The following SH3BP4 variants were observed in gnomAD, a reference collection of about 807,000 sequenced individuals.
SH3BP4 encodes the protein SH3 domain-binding protein 4.
A neutral mutation model predicts 65.5 loss-of-function variants in SH3BP4; 33 were observed. That is an observed-to-expected ratio of 0.50 (90% CI 0.38 to 0.67). The LOEUF is 0.67. Ranked by LOEUF, SH3BP4 falls within the 30% of genes least tolerant of loss-of-function variation. The probability of loss-of-function intolerance (pLI) is 0.00; values close to 1 mark genes in which losing one functional copy is unlikely to be tolerated. For missense variants in SH3BP4, 1,134 were observed against 1,261.4 expected, an observed-to-expected ratio of 0.90 and a Z score of 1.53; for synonymous variants, 552 against 545.5, an observed-to-expected ratio of 1.01 and a Z score of -0.17.
intron 1 of SH3BP4, among the ~76,000 whole-genome samples, chr2:234,955,569 T>C (rs1181969349): frequency 6.6e-6 from 1 of 151,542 alleles, no homozygotes; most frequent in East Asian, 1.9e-4. Context: ...GGCGAGGGAG[T>C]GCAGAATATG....
chr2:234,953,238 A>G (rs1692516818), intron 1 of SH3BP4: 1 of 152,266 alleles, frequency 6.6e-6, no homozygotes, highest in South Asian at 2.1e-4. Context: ...AGCTAGAGAT[A>G]AAGAGAAATA....
In SH3BP4 at chr2:235,042,102, C is replaced by T. The variant is rs1242077990; in HGVS notation, c.1333C>T (p.Leu445=). 1.2e-5 allele frequency: 19 copies of T among 1,614,070 alleles called. No individual in the cohort carries two copies. Among genetic ancestry groups the T allele is most frequent in the Non-Finnish European group, 1.6e-5 (19 of 1,180,038 alleles). Residue 445 remains leucine, a synonymous_variant, in exon 4 of 6, where the codon CTG becomes TTG. Coordinates refer to ENST00000392011, the MANE Select transcript of SH3BP4 (RefSeq NM_014521.3). The surrounding 1 kb of genome is among the most constrained non-coding windows in gnomAD (Gnocchi z 7.3). ...GDTVQAQLHN[L]EPCMYVAVVA... ...CACGGTCCAGGCACAGCTGCACAAC[C>T]TGGAGCCCTGTATGTACGTGGCTGT...
Position 235,033,111 on chromosome 2 carries a change from G to A in SH3BP4, c.-132-1760G>A, listed in dbSNP as rs140056375. ...GGGCCCCCAGCAGGGCAGCTCTGCC[G>A]CTCCCCAGAGAGGTGGCCACCATGC... On this transcript the variant is annotated intron_variant, in intron 2 of 5. Coordinates refer to ENST00000392011, the MANE Select transcript of SH3BP4 (RefSeq NM_014521.3). This position sits in a 1 kb window ranked among gnomAD's most constrained non-coding sequence, Gnocchi z 5.7. Among the ~76,000 whole-genome samples, 686 of 152,228 alleles carry A rather than the reference G, an allele frequency of 4.5e-3. 1 individual carries two copies. Among genetic ancestry groups the A allele is most frequent in the African/African-American group, 0.015 (632 of 41,554 alleles).
At position 234,978,063 on chromosome 2, in the gene SH3BP4, C is replaced by A. The variant is rs543555724; in HGVS notation, c.-206-17240C>A. Among the ~76,000 whole-genome samples the A allele has an allele frequency of 6.6e-6, 1 of 152,154 alleles. No individual in the cohort carries two copies. Among genetic ancestry groups the A allele is most frequent in the African/African-American group, 2.4e-5 (1 of 41,438 alleles). ...CTCTGCCTCCTGGGTTTAAGCAATT[C>A]TCCTGCCTCAGCCTCCCGAGTAGCT... On this transcript the variant is annotated intron_variant, in intron 1 of 5. Coordinates refer to ENST00000392011, the MANE Select transcript of SH3BP4 (RefSeq NM_014521.3). The surrounding 1 kb of genome is among the most constrained non-coding windows in gnomAD (Gnocchi z 4.1).
rs775285071 is a variant in SH3BP4, at chr2:235,033,480, G to A, written c.-132-1391G>A. Among the ~76,000 whole-genome samples, 4 of 152,218 alleles carry A rather than the reference G, an allele frequency of 2.6e-5. No individual in the cohort carries two copies. Among genetic ancestry groups the A allele is most frequent in the Admixed American group, 6.5e-5 (1 of 15,288 alleles). The stretch of plus-strand genomic sequence containing the variant: ...AGTTTCGGGAAACACAGTTCAGTCC[G>A]TAACACATGCCTTCTCTCCAGACAG... On this transcript the variant is annotated intron_variant, in intron 2 of 5. Coordinates refer to ENST00000392011, the MANE Select transcript of SH3BP4 (RefSeq NM_014521.3). This position sits in a 1 kb window ranked among gnomAD's most constrained non-coding sequence, Gnocchi z 5.7.
At chr2:235,029,771 C>T (rs538659577) in intron 2 of SH3BP4, among the ~76,000 whole-genome samples, 6 of 152,166 alleles carry the variant, frequency 3.9e-5, no homozygotes, top group Non-Finnish European at 7.3e-5. Context: ...TTCACGGGTG[C>T]GGCACTCGGG....
rs367675036 is a variant in SH3BP4 at position 235,040,860 on chromosome 2, C to T, written c.119-28C>T. The T allele has an allele frequency of 1.9e-4, 310 of 1,594,496 alleles. No individual in the cohort carries two copies. The African/African-American group carries it at 3.0e-3, about 15-fold the overall frequency. ...GGACACCCCGCCGGCCTTGCCCTCACCATCTGTTTTCTTTGTGTTTTGCAC... is the reference window on the plus strand; with the variant it reads ...GGACACCCCGCCGGCCTTGCCCTCATCATCTGTTTTCTTTGTGTTTTGCAC... On this transcript the variant is annotated intron_variant, in intron 3 of 5. Coordinates refer to ENST00000392011, the MANE Select transcript of SH3BP4 (RefSeq NM_014521.3).
At chr2:234,984,653 C>T (rs1161423099) in intron 1 of SH3BP4, among the ~76,000 whole-genome samples, 1 of 152,156 alleles carries the variant, frequency 6.6e-6, no homozygotes, top group African/African-American at 2.4e-5. Context: ...TTGACCAGAA[C>T]CGACTGAGTG....
Position 235,033,739 on chromosome 2 carries a change from A to T in SH3BP4, c.-132-1132A>T, listed in dbSNP as rs1008763165. The stretch of plus-strand genomic sequence containing the variant: ...GCTCTCCAAGCCATGCTCACTGCAC[A>T]TGGAGCCTGGGGGAAGAGTGGGGAT... On this transcript the variant is annotated intron_variant, in intron 2 of 5. Transcript: ENST00000392011. This position sits in a 1 kb window ranked among gnomAD's most constrained non-coding sequence, Gnocchi z 5.7. Among the ~76,000 whole-genome samples, 18 of 151,738 alleles carry T rather than the reference A, an allele frequency of 1.2e-4. No homozygotes were observed. Among genetic ancestry groups the T allele is most frequent in the South Asian group, 6.2e-4 (3 of 4,804 alleles).
intron 2 of SH3BP4, among the ~76,000 whole-genome samples, chr2:235,031,849 C>G (rs1695212243): frequency 6.6e-6 from 1 of 152,266 alleles, no homozygotes; most frequent in Non-Finnish European, 1.5e-5. Flanking sequence ...CCCTGAGCAG[C>G]CTGCGTGGAG....
intron 2 of SH3BP4, among the ~76,000 whole-genome samples, chr2:235,004,873 T>C (rs975731784): frequency 3.3e-5 from 5 of 152,252 alleles, no homozygotes; most frequent in African/African-American, 1.2e-4. Flanking sequence ...CTAAGAGCTG[T>C]CTTCTCTCAT....
intron 2 of SH3BP4, among the ~76,000 whole-genome samples, chr2:235,032,580 A>G (rs1337414903): frequency 1.3e-5 from 2 of 152,078 alleles, no homozygotes; most frequent in Non-Finnish European, 2.9e-5. Flanking sequence ...TGGCCCTTGC[A>G]TTTCGGGGCT....
rs1693951221 is a variant in SH3BP4 at position 234,997,193 on chromosome 2, A to G, written c.-133+1817A>G. 6.6e-6 allele frequency among the ~76,000 whole-genome samples: 1 copy of G among 152,170 alleles called. No individual in the cohort carries two copies. On this transcript the variant is annotated intron_variant, in intron 2 of 5. Coordinates refer to ENST00000392011, the MANE Select transcript of SH3BP4 (RefSeq NM_014521.3). This position sits in a 1 kb window ranked among gnomAD's most constrained non-coding sequence, Gnocchi z 4.2. Reference sequence around the variant, plus strand: ...CCCACAGCAGTTAGAGACCATCCACAGGCCACCACACTTTAAGCTGATTTT... The same window carrying G: ...CCCACAGCAGTTAGAGACCATCCACGGGCCACCACACTTTAAGCTGATTTT...
At chr2:234,988,344 CCACCA>C (rs1693643915) in intron 1 of SH3BP4, among the ~76,000 whole-genome samples, 3 of 152,204 alleles carry the variant, frequency 2.0e-5, no homozygotes, top group Non-Finnish European at 4.4e-5. Context: ...CAGGCGTGAG[CCACCA>C]CACCCGGCCC....
chr2:235,050,031 T>C (rs1695996891), intron 4 of SH3BP4, among the ~76,000 whole-genome samples: 1 of 152,146 alleles, frequency 6.6e-6, no homozygotes, highest in Admixed American at 6.5e-5. Context: ...GTAAAGTGGG[T>C]TGAACTCAGC....
At chr2:235,023,957 G>A (rs780064091) in intron 2 of SH3BP4, among the ~76,000 whole-genome samples, 2 of 152,072 alleles carry the variant, frequency 1.3e-5, no homozygotes, top group African/African-American at 2.4e-5. Context: ...TCCTAAAGAC[G>A]GGTATATTGA....
intron 2 of SH3BP4, among the ~76,000 whole-genome samples, chr2:234,998,425 G>A (rs56048151): frequency 0.11 from 16,642 of 152,310 alleles, 1,399 homozygotes; most frequent in East Asian, 0.28. Context: ...ACTCTTCGCA[G>A]GGCGACTGGC....
intron 2 of SH3BP4, among the ~76,000 whole-genome samples, chr2:235,014,822 C>T (rs1694637195): frequency 6.6e-6 from 1 of 152,210 alleles, no homozygotes; most frequent in South Asian, 2.1e-4. Flanking sequence ...CTGCAAAGAC[C>T]TTCTTTCCAA....
intron 4 of SH3BP4, among the ~76,000 whole-genome samples, chr2:235,043,766 G>C (rs1328575477): frequency 4.6e-5 from 7 of 151,870 alleles, no homozygotes; most frequent in Admixed American, 4.6e-4. Context: ...CGTGGGCCGT[G>C]GTGTTGTAAG....
Sources: allele counts gnomAD v4.1 joint callset (sites outside exome capture counted in the v4.1 genomes callset), GRCh38; gene constraint gnomAD v4.1.1; non-coding constraint Gnocchi (gnomAD v3.1); transcripts MANE v1.5; gene names NCBI Gene and HGNC (gene_info 2026-07-23, HGNC 2026-07-21).